The following ARHGEF33 variants were observed in gnomAD, a reference collection of about 807,000 sequenced individuals.
ARHGEF33 encodes Rho guanine nucleotide exchange factor 33.
Under a neutral mutation model 101.9 loss-of-function variants are expected in ARHGEF33, and 72 were observed. The observed-to-expected ratio is 0.71, with a 90% CI of 0.58 to 0.86. The LOEUF is 0.86. Ranked by LOEUF, ARHGEF33 falls within the 40% of genes least tolerant of loss-of-function variation. The probability of loss-of-function intolerance (pLI) is 0.00; values close to 1 mark genes in which losing one functional copy is unlikely to be tolerated. For synonymous variants in ARHGEF33, 499 were observed against 442.5 expected (o/e 1.13, Z -1.60); for missense variants, 1,169 against 1,111.3 (o/e 1.05, Z -0.74).
At chr2:38,945,708 C>T (rs2124404848) in intron 10 of ARHGEF33, among the ~76,000 whole-genome samples, 1 of 152,368 alleles carries the variant, frequency 6.6e-6, no homozygotes, top group African/African-American at 2.4e-5. Flanking sequence ...CCAGCAGCGT[C>T]TCTTCTTAGT....
intron 14 of ARHGEF33, 98 bp downstream of exon 14, chr2:38,957,145 T>A: frequency 1.4e-6 from 2 of 1,403,768 alleles, no homozygotes; most frequent in Non-Finnish European, 2.0e-6. Flanking sequence ...TGAAATGCAG[T>A]GGTGGGAGGT....
intron 2 of ARHGEF33, among the ~76,000 whole-genome samples, chr2:38,919,011 A>G (rs1362814839): frequency 6.6e-6 from 1 of 152,146 alleles, no homozygotes; most frequent in Non-Finnish European, 1.5e-5. Flanking sequence ...GCATCACTGC[A>G]CTCTATCCCG....
intron 16 of ARHGEF33, among the ~76,000 whole-genome samples, chr2:38,963,471 T>C (rs1667989768): frequency 6.6e-6 from 1 of 152,198 alleles, no homozygotes; most frequent in African/African-American, 2.4e-5. Context: ...CTGTGTGCTT[T>C]TGGACAAGTC....
Position 38,910,702 on chromosome 2 carries a change from TTCTCTTTCTCTCAA to T in ARHGEF33, c.-85-8647_-85-8634del, listed in dbSNP as rs572453276. 1.4e-4 allele frequency among the ~76,000 whole-genome samples: 21 copies of T among 152,356 alleles called. No individual in the cohort carries two copies. The South Asian group carries it at 3.9e-3, about 29-fold the overall frequency. On this transcript the variant is annotated intron_variant, in intron 2 of 17. Transcript: ENST00000409978. The stretch of plus-strand genomic sequence containing the variant: ...TCTTTTTAGTCCTACTTTGTATTAT[TTCTCTTTCTCTCAA>T]TCTCTTTCTCTCATCAGACCTGCCA...
rs114482726 is a variant in ARHGEF33 at position 38,890,956 on chromosome 2, A to G, written c.-159+970A>G. On this transcript the variant is annotated intron_variant, in intron 1 of 17. Coordinates refer to ENST00000409978, the MANE Select transcript of ARHGEF33 (RefSeq NM_001145451.5). ...ACTCAGAGGCTTTTGAAACAAGATG[A>G]CCATACTATTGGTTTTTTTTTTTTT... Among the ~76,000 whole-genome samples, 1,459 of 147,860 alleles carry G rather than the reference A, an allele frequency of 9.9e-3. 18 individuals carry two copies. The highest frequency in any genetic ancestry group is 0.034 in the African/African-American group (1,393 of 40,626).
In ARHGEF33 at chr2:38,904,724, G is replaced by A. The variant is rs1012973347; in HGVS notation, c.-86+8875G>A. 3.0e-5 allele frequency among the ~76,000 whole-genome samples: 4 copies of A among 135,188 alleles called. No individual in the cohort carries two copies. In the Admixed American group the frequency reaches 3.0e-4, roughly 10 times the overall value. 88.7% of individuals were successfully genotyped at this position (135,188 alleles called of 152,430 possible). ...CTCTGTATCAAAAAAAAAAAAAAAG[G>A]AAAAGAAGAAAAAGAAAAGAAAACG... On this transcript the variant is annotated intron_variant, in intron 2 of 17. Coordinates refer to ENST00000409978, the MANE Select transcript of ARHGEF33 (RefSeq NM_001145451.5).
At chr2:38,933,592 G>A (rs535229237) in intron 7 of ARHGEF33, among the ~76,000 whole-genome samples, 20 of 152,142 alleles carry the variant, frequency 1.3e-4, no homozygotes, top group East Asian at 9.7e-4. Context: ...CCATGTCTCT[G>A]GTCTCAAACT....
intron 10 of ARHGEF33, among the ~76,000 whole-genome samples, chr2:38,947,723 C>A (rs958556986): frequency 6.6e-6 from 1 of 152,162 alleles, no homozygotes; most frequent in Non-Finnish European, 1.5e-5. Flanking sequence ...TGTCTGAACA[C>A]TTATGGAGGG....
intron 2 of ARHGEF33, among the ~76,000 whole-genome samples, chr2:38,903,401 A>G (rs1234723461): frequency 6.9e-6 from 1 of 144,282 alleles, no homozygotes; most frequent in Non-Finnish European, 1.5e-5. Flanking sequence ...TGGAAATACT[A>G]TCTTCAAAGG....
Position 38,960,490 on chromosome 2 carries a change from C to G in ARHGEF33, c.2185C>G (p.Arg729Gly). 1 of 1,395,288 alleles carries G rather than the reference C, an allele frequency of 7.2e-7. No homozygotes were observed. The highest frequency in any genetic ancestry group is 9.3e-7 in the Non-Finnish European group (1 of 1,076,386). The allele number at this position is 1,395,288 out of a possible 1,614,324, so 86.4% of individuals were successfully genotyped here. Residue 729 changes from arginine (R) to glycine (G), a missense_variant, in exon 16 of 18, where the codon CGC (arginine) becomes GGC (glycine). Coordinates refer to ENST00000409978, the MANE Select transcript of ARHGEF33 (RefSeq NM_001145451.5). ...DGVAPRLYSTRSSSGGRAPIK... is the reference protein window; with the variant it reads ...DGVAPRLYSTGSSSGGRAPIK... ...CGTGGCCCCACGCCTCTACAGCACG[C>G]GCAGCAGCAGCGGCGGCCGCGCGCC...
At chr2:38,973,000 C>T (rs1027525497) in intron 17 of ARHGEF33, 13 of 152,240 alleles carry the variant, frequency 8.5e-5, no homozygotes, top group African/African-American at 3.1e-4. Context: ...AGAAAGCCTC[C>T]TCCCTCCAGG....
At chr2:38,896,396 C>G (rs1023563981) in intron 2 of ARHGEF33, among the ~76,000 whole-genome samples, 1 of 152,144 alleles carries the variant, frequency 6.6e-6, no homozygotes, top group Non-Finnish European at 1.5e-5. Flanking sequence ...CCTTGGCCTC[C>G]GAAAGTGCTG....
At chr2:38,961,124 A>G (rs1309650652) in intron 16 of ARHGEF33, among the ~76,000 whole-genome samples, 1 of 151,840 alleles carries the variant, frequency 6.6e-6, no homozygotes, top group Non-Finnish European at 1.5e-5. Context: ...GCGCCAGCCT[A>G]CTCCACTTCT....
chr2:38,917,730 G>A (rs1666668176), intron 2 of ARHGEF33, among the ~76,000 whole-genome samples: 1 of 151,602 alleles, frequency 6.6e-6, no homozygotes, highest in Admixed American at 6.6e-5. Context: ...TCAGGAGGCT[G>A]AGATGGGAGG....
At position 38,930,345 on chromosome 2, in the gene ARHGEF33, CTTTCT is replaced by C. The variant is rs1342769903; in HGVS notation, c.362+524_362+528del. On this transcript the variant is annotated intron_variant, in intron 6 of 17. Transcript: ENST00000409978. ...TATTTGGTTTTCTTTTTCCTTTTTT[CTTTCT>C]TTTCTTTTTTTTTTTTGGAGACAGA... Among the ~76,000 whole-genome samples, 581 of 150,202 alleles carry C rather than the reference CTTTCT, an allele frequency of 3.9e-3. 5 individuals are homozygous for C. The highest frequency in any genetic ancestry group is 0.013 in the African/African-American group (554 of 41,066).
chr2:38,932,147 G>A (rs1030422335), intron 7 of ARHGEF33, among the ~76,000 whole-genome samples: 2 of 151,912 alleles, frequency 1.3e-5, no homozygotes, highest in African/African-American at 4.8e-5. Context: ...TTTTGAGACA[G>A]AGTCTCGCTC....
At chr2:38,938,076 GA>G (rs951239180) in intron 9 of ARHGEF33, among the ~76,000 whole-genome samples, 17 of 151,852 alleles carry the variant, frequency 1.1e-4, no homozygotes, top group Non-Finnish European at 8.8e-5. Context: ...TCAAATACAT[GA>G]AAAAAAGTAT....
At chr2:38,947,586 T>C (rs1667484636) in intron 10 of ARHGEF33, among the ~76,000 whole-genome samples, 2 of 152,198 alleles carry the variant, frequency 1.3e-5, no homozygotes, top group African/African-American at 4.8e-5. Context: ...TTTTTCAGTT[T>C]ATTATAAAGA....
In ARHGEF33 at chr2:38,973,748, G is replaced by C. The variant is rs921652910; in HGVS notation, c.2518G>C (p.Glu840Gln). The C allele has an allele frequency of 1.3e-6, 2 of 1,544,656 alleles. No individual in the cohort carries two copies. The highest frequency in any genetic ancestry group is 1.7e-6 in the Non-Finnish European group (2 of 1,144,184). ...ATCAGAATACAGGGAAAAAACTAAT[G>C]AGAATCCCTCAATGGATCCTTCACC... ...SGSEYREKTN[E>Q]NPSMDPSPTK... The change falls in exon 18 of 18, where the codon GAG (glutamate) becomes CAG (glutamine). Residue 840 changes from glutamate to glutamine, a missense_variant. By Grantham distance (29) the Glu-to-Gln change is conservative. Coordinates refer to ENST00000409978, the MANE Select transcript of ARHGEF33 (RefSeq NM_001145451.5).
Sources: allele counts gnomAD v4.1 joint callset (sites outside exome capture counted in the v4.1 genomes callset), GRCh38; gene constraint gnomAD v4.1.1; transcripts MANE v1.5; gene names NCBI Gene and HGNC (gene_info 2026-07-23, HGNC 2026-07-21).